NALF1: variants seen among roughly 807,000 people sequenced by gnomAD.
NALF1 encodes the protein family with sequence similarity 155 member A.
NALF1 carries 3 observed loss-of-function variants against 48.4 expected under a neutral mutation model. The observed-to-expected ratio is 0.06, with a 90% confidence interval of 0.03 to 0.16. The LOEUF (loss-of-function observed/expected upper bound fraction) is 0.16. NALF1 is among the 10% of genes least tolerant of loss of function. The probability of loss-of-function intolerance (pLI) is 1.00; values close to 1 mark genes in which losing one functional copy is unlikely to be tolerated. For synonymous variants in NALF1, 262 were observed against 245.7 expected (o/e 1.07, Z -0.62); for missense variants, 526 against 571.5 (o/e 0.92, Z 0.81).
chr13:107,368,765 A>T (rs1333256435), intron 1 of NALF1, among the ~76,000 whole-genome samples: 1 of 151,580 alleles, frequency 6.6e-6, no homozygotes, highest in Non-Finnish European at 1.5e-5. Flanking sequence ...ATCTCCAAAG[A>T]CCCCTTTTCC....
chr13:107,496,693 A>G (rs1295828986), intron 1 of NALF1, among the ~76,000 whole-genome samples: 1 of 152,212 alleles, frequency 6.6e-6, no homozygotes, highest in East Asian at 1.9e-4. Context: ...TTACAAAAGA[A>G]AGAGGTTTAT....
chr13:107,520,806 A>T (rs958353577), intron 1 of NALF1, among the ~76,000 whole-genome samples: 5 of 152,072 alleles, frequency 3.3e-5, no homozygotes, highest in African/African-American at 1.2e-4. Context: ...GCTTCCCCGC[A>T]TATTTTTCAA....
At position 107,385,265 on chromosome 13, in the gene NALF1, G is replaced by A. The variant is rs186278573; in HGVS notation, c.916-174510C>T. Among the ~76,000 whole-genome samples, 286 of 151,902 alleles carry A rather than the reference G, an allele frequency of 1.9e-3. 1 individual carries two copies. The highest frequency in any genetic ancestry group is 3.4e-3 in the Non-Finnish European group (233 of 67,924). The stretch of plus-strand genomic sequence containing the variant: ...AAACGTCTTCAATTGTCTTAAAAGC[G>A]TATCTGGCAGGGCGCAGTGGCTCAC... On this transcript the variant is annotated intron_variant, in intron 1 of 2. Coordinates refer to ENST00000375915, the MANE Select transcript of NALF1 (RefSeq NM_001080396.3).
At chr13:107,601,254 T>A (rs1878917388) in intron 1 of NALF1, among the ~76,000 whole-genome samples, 1 of 152,186 alleles carries the variant, frequency 6.6e-6, no homozygotes. Context: ...GAGCTGAGAC[T>A]GTGCTGACCA....
chr13:107,565,249 G>A (rs562663406), intron 1 of NALF1, among the ~76,000 whole-genome samples: 26 of 151,564 alleles, frequency 1.7e-4, no homozygotes, highest in Non-Finnish European at 3.7e-4. Flanking sequence ...GCCAGGAGCA[G>A]TGGCCCACAC....
chr13:107,403,710 T>G (rs1236327629), intron 1 of NALF1, among the ~76,000 whole-genome samples: 3 of 119,892 alleles, frequency 2.5e-5, no homozygotes, highest in Non-Finnish European at 5.2e-5. Flanking sequence ...AGGCCTTCTT[T>G]TGCCACAAAT....
chr13:107,187,059 T>C (rs1879189824), intron 2 of NALF1, among the ~76,000 whole-genome samples: 1 of 152,154 alleles, frequency 6.6e-6, no homozygotes, highest in East Asian at 1.9e-4. Flanking sequence ...GTGGGCTGAG[T>C]GCTTCTCATG....
intron 1 of NALF1, among the ~76,000 whole-genome samples, chr13:107,501,709 AAGAG>A (rs1875530453): frequency 6.6e-6 from 1 of 152,200 alleles, no homozygotes; most frequent in African/African-American, 2.4e-5. Flanking sequence ...ATTAGAAAAT[AAGAG>A]AGAAGAAATG....
At chr13:107,678,429 C>A (rs991284293) in intron 1 of NALF1, among the ~76,000 whole-genome samples, 1 of 152,170 alleles carries the variant, frequency 6.6e-6, no homozygotes, top group African/African-American at 2.4e-5. Flanking sequence ...TACCCACAGA[C>A]ATGGTGCCTG....
chr13:107,265,905 C>A (rs1425928146), intron 1 of NALF1, among the ~76,000 whole-genome samples: 1 of 152,046 alleles, frequency 6.6e-6, no homozygotes, highest in African/African-American at 2.4e-5. Flanking sequence ...ATCTGTGTGG[C>A]AAAGTCTAAA....
intron 1 of NALF1, among the ~76,000 whole-genome samples, chr13:107,236,689 CTATCTATCT>C (rs1880352448): frequency 6.9e-6 from 1 of 145,068 alleles, no homozygotes; most frequent in Non-Finnish European, 1.5e-5. Flanking sequence ...ATCTATCTAT[CTATCTATCT>C]ATCTATCTAT....
intron 1 of NALF1, among the ~76,000 whole-genome samples, chr13:107,448,267 C>A (rs1884682820): frequency 6.6e-6 from 1 of 152,042 alleles, no homozygotes; most frequent in Admixed American, 6.5e-5. Flanking sequence ...TGTGTGACGA[C>A]TGGAGCTAAT....
intron 1 of NALF1, among the ~76,000 whole-genome samples, chr13:107,408,368 G>C (rs1566329434): frequency 6.6e-6 from 1 of 151,944 alleles, no homozygotes; most frequent in Admixed American, 6.6e-5. Flanking sequence ...TTGCATGCTT[G>C]TATCAAATTA....
Position 107,166,105 on chromosome 13 carries a change from T to C in NALF1, c.*4392A>G, listed in dbSNP as rs907419895. The C allele has an allele frequency of 6.6e-6, 1 of 152,140 alleles. No homozygotes were observed. Among genetic ancestry groups the C allele is most frequent in the African/African-American group, 2.4e-5 (1 of 41,412 alleles). 9.4% of individuals were successfully genotyped at this position (152,140 alleles called of 1,614,324 possible). On this transcript the variant is annotated 3_prime_UTR_variant, in exon 3 of 3. Coordinates refer to ENST00000375915, the MANE Select transcript of NALF1 (RefSeq NM_001080396.3). ...TAGTATATAACCCTAACGCCTCATA[T>C]ATGCATATGCACACTTATGAAATTA...
chr13:107,743,362 G>C (rs186743434), intron 1 of NALF1, among the ~76,000 whole-genome samples: 1 of 152,144 alleles, frequency 6.6e-6, no homozygotes, highest in Non-Finnish European at 1.5e-5. Flanking sequence ...CCTGTGACAA[G>C]AAACTTACTT....
intron 1 of NALF1, among the ~76,000 whole-genome samples, chr13:107,678,284 AG>A (rs1157229732): frequency 6.6e-6 from 1 of 152,116 alleles, no homozygotes; most frequent in East Asian, 1.9e-4. Context: ...GGCCGGCAGG[AG>A]GTGTGTGAGG....
Position 107,170,695 on chromosome 13 carries a change from T to C in NALF1, c.1179A>G (p.Val393=). 6.2e-7 allele frequency: 1 copy of C among 1,614,240 alleles called. No individual in the cohort carries two copies. The highest frequency in any genetic ancestry group is 8.5e-7 in the Non-Finnish European group (1 of 1,180,040). The change falls in exon 3 of 3, where the codon GTA becomes GTG. Residue 393 remains valine, a synonymous_variant. Coordinates refer to ENST00000375915, the MANE Select transcript of NALF1 (RefSeq NM_001080396.3). ...TCCTGTGACAGGAGCCACTTTTCTC[T>C]ACGGTCCCTTTGGATGGGTTATTTG... ...EKSNNPSKGT[V]EKSGSCHRTS...
intron 1 of NALF1, among the ~76,000 whole-genome samples, chr13:107,820,961 T>C (rs1278414971): frequency 1.3e-5 from 2 of 152,206 alleles, no homozygotes; most frequent in Admixed American, 1.3e-4. Flanking sequence ...TAGCAATTAA[T>C]TCTGCATACT....
At chr13:107,829,480 G>T (rs1410532628) in intron 1 of NALF1, among the ~76,000 whole-genome samples, 2 of 151,806 alleles carry the variant, frequency 1.3e-5, no homozygotes, top group Non-Finnish European at 2.9e-5. Flanking sequence ...TGGATCTCAT[G>T]ATTTTTTTTC....
Sources: allele counts gnomAD v4.1 joint callset (sites outside exome capture counted in the v4.1 genomes callset), GRCh38; gene constraint gnomAD v4.1.1; transcripts MANE v1.5; gene names NCBI Gene and HGNC (gene_info 2026-07-23, HGNC 2026-07-21).